The following DIDO1 variants were observed in gnomAD, a reference collection of about 807,000 sequenced individuals.
DIDO1 encodes death-inducer obliterator 1.
In DIDO1, 16 loss-of-function variants were observed where a neutral mutation model predicts 99.4. That is an observed-to-expected ratio of 0.16 (90% CI 0.11 to 0.24). DIDO1 has a LOEUF of 0.24. DIDO1 is among the 10% of genes least tolerant of loss of function. The pLI is 1.00. For synonymous variants in DIDO1, 1,366 were observed against 1,239.1 expected (o/e 1.10, Z -2.15); for missense variants, 2,996 against 3,014.0 (o/e 0.99, Z 0.14).
chr20:62,887,273 G>GA, intron 15 of DIDO1: 2 of 985,434 alleles, frequency 2.0e-6, no homozygotes, highest in Non-Finnish European at 2.4e-6. Context: ...ATTCAATACT[G>GA]TATTTGACTC....
chr20:62,903,702 CAA>C (rs1286964329), intron 6 of DIDO1, among the ~76,000 whole-genome samples: 1 of 152,220 alleles, frequency 6.6e-6, no homozygotes, highest in Non-Finnish European at 1.5e-5. Context: ...GCTACTAGCT[CAA>C]AAGTGTGTCG....
chr20:62,895,250 A>T (rs1416542166), intron 8 of DIDO1, 85 bp from the exon 9 acceptor site: 4 of 1,284,974 alleles, frequency 3.1e-6, no homozygotes, highest in East Asian at 2.3e-5. Flanking sequence ...AGCTGCCCAG[A>T]AGTTTAGCGG....
chr20:62,903,853 AAAG>A (rs1310284402), intron 6 of DIDO1, among the ~76,000 whole-genome samples: 2 of 152,144 alleles, frequency 1.3e-5, no homozygotes, highest in African/African-American at 2.4e-5. Context: ...GATGTGTGGC[AAAG>A]AAGGGAAGAG....
chr20:62,924,751 G>A (rs1172024139), intron 1 of DIDO1, among the ~76,000 whole-genome samples: 1 of 152,188 alleles, frequency 6.6e-6, no homozygotes, highest in African/African-American at 2.4e-5. Context: ...TGGTAACCAT[G>A]GGTACGGCTG....
chr20:62,927,823 C>T (rs1015116064), upstream of DIDO1, among the ~76,000 whole-genome samples: 4 of 152,180 alleles, frequency 2.6e-5, no homozygotes, highest in Non-Finnish European at 5.9e-5. Flanking sequence ...GCTGGTGTGG[C>T]CCATTAGGAC....
Position 62,909,788 on chromosome 20 carries a change from G to T in DIDO1, c.1072C>A (p.Gln358Lys), listed in dbSNP as rs374176633. The T allele has an allele frequency of 6.2e-7, 1 of 1,614,074 alleles. No homozygotes were observed. Among genetic ancestry groups the T allele is most frequent in the African/African-American group, 1.3e-5 (1 of 74,914 alleles). Residue 358 changes from glutamine (Q) to lysine (K), a missense_variant, in exon 4 of 16, where the codon CAG becomes AAG. This residue lies in a region of DIDO1 where 898 missense variants were observed against 972.7 expected (regional missense o/e 0.92). Coordinates refer to ENST00000395343, the MANE Select transcript of DIDO1 (RefSeq NM_001193369.2). ...TDCTSIGTIE[Q>K]KSSEDQGIKG... Reference sequence around the variant, plus strand: ...ATCCCTTGGTCTTCGCTAGACTTCTGCTCTATTGTTCCTATACTTGTACAA... The same window carrying T: ...ATCCCTTGGTCTTCGCTAGACTTCTTCTCTATTGTTCCTATACTTGTACAA...
At position 62,896,913 on chromosome 20, in the gene DIDO1, C is replaced by T; in HGVS notation, c.1672G>A (p.Gly558Ser). Residue 558 changes from glycine to serine, a missense_variant, in exon 7 of 16, where the codon GGC (glycine) becomes AGC (serine). By Grantham distance (56) the Gly-to-Ser change is moderately conservative (BLOSUM62 0). This residue lies in a region of DIDO1 where 898 missense variants were observed against 972.7 expected (regional missense o/e 0.92). Transcript: ENST00000395343. The surrounding 1 kb of genome is among the most constrained non-coding windows in gnomAD (Gnocchi z 4.4). ...AGGTTTCTAGGTGCAGGCTGCTTGC[C>T]CACCGCGGAGCCTGGAGGGGCTGTT... The part of the protein sequence containing the change: ...KKTAPPGSAV[G>S]KQPAPRNLVP... The T allele has an allele frequency of 6.2e-7, 1 of 1,614,052 alleles. No homozygotes were observed. The highest frequency in any genetic ancestry group is 8.5e-7 in the Non-Finnish European group (1 of 1,179,960).
Position 62,897,484 on chromosome 20 carries a change from A to G in DIDO1, c.1589-488T>C, listed in dbSNP as rs188799029. Among the ~76,000 whole-genome samples the G allele has an allele frequency of 2.6e-5, 4 of 152,316 alleles. No individual in the cohort carries two copies. In the East Asian group the frequency reaches 7.7e-4, roughly 29 times the overall value. On this transcript the variant is annotated intron_variant, in intron 6 of 15. Transcript: ENST00000395343. ...ACATCTCACTTCGTTGTCCTTCCAGACTGGAGTCCATTGGAGGCGATGCCA... is the reference window on the plus strand; with the variant it reads ...ACATCTCACTTCGTTGTCCTTCCAGGCTGGAGTCCATTGGAGGCGATGCCA...
At chr20:62,929,692 A>AAAAAAATATATATATATATAT, upstream of DIDO1, among the ~76,000 whole-genome samples, 23 of 63,734 alleles carry the variant, frequency 3.6e-4, 1 homozygote, top group African/African-American at 1.7e-3. Context: ...AAAAAGAAAA[A>AAAAAAATATATATATATATAT]GTGTATATAT....
In DIDO1 at chr20:62,894,698, T is replaced by TA; in HGVS notation, c.2436+111_2436+112insT. 7.1e-7 allele frequency: 1 copy of TA among 1,406,498 alleles called. No individual in the cohort carries two copies. Among genetic ancestry groups the TA allele is most frequent in the Non-Finnish European group, 9.6e-7 (1 of 1,040,496 alleles). 87.1% of individuals were successfully genotyped at this position (1,406,498 alleles called of 1,614,324 possible). ...ATACAAGGACTGAGGAATGCCACAA[T>TA]GACATACACCTGCTGTAAGCTCAGG... is the stretch of plus-strand genomic sequence containing the variant. On this transcript the variant is annotated intron_variant, in intron 10 of 15. Coordinates refer to ENST00000395343, the MANE Select transcript of DIDO1 (RefSeq NM_001193369.2). This position sits in a 1 kb window ranked among gnomAD's most constrained non-coding sequence, Gnocchi z 4.4.
At chr20:62,914,015 A>G (rs1184207759) in intron 2 of DIDO1, among the ~76,000 whole-genome samples, 195 bp downstream of exon 2, 1 of 152,178 alleles carries the variant, frequency 6.6e-6, no homozygotes, top group Non-Finnish European at 1.5e-5. Flanking sequence ...AATATTTCCA[A>G]TCTGCAGCTG....
chr20:62,882,332 T>A lies in DIDO1; in HGVS notation c.3624A>T (p.Leu1208Phe). ...KIKRPANSGELDKMDEKRTRL... is the reference protein window; with the variant it reads ...KIKRPANSGEFDKMDEKRTRL... ...GGGTCCGCTTTTCGTCCATCTTGTC[T>A]AACTCTCCACTGTTTGCGGGACGTT... The change falls in exon 16 of 16, where the codon TTA (leucine) becomes TTT (phenylalanine). Residue 1208 changes from leucine (L) to phenylalanine (F), a missense_variant. Leu to Phe is a conservative substitution (Grantham distance 22). This residue lies in a region of DIDO1 where 135 missense variants were observed against 202.3 expected (regional missense o/e 0.67). Transcript: ENST00000395343. The A allele has an allele frequency of 1.9e-6, 3 of 1,614,088 alleles. No homozygotes were observed. Among genetic ancestry groups the A allele is most frequent in the Non-Finnish European group, 2.5e-6 (3 of 1,180,034 alleles).
Position 62,911,085 on chromosome 20 carries a change from G to A in DIDO1, c.528C>T (p.Pro176=). ...GGATCCCTTTCAGGGGCCTCTCAGT[G>A]GGCTCCTGTTCCCGCTTCCTGCGAA... ...NRLRRKREQE[P]TERPLKGIQS... The change falls in exon 3 of 16, where the codon CCC becomes CCT. Residue 176 remains proline (P), a synonymous_variant. Transcript: ENST00000395343. The surrounding 1 kb of genome is among the most constrained non-coding windows in gnomAD (Gnocchi z 7.0). 7.4e-6 allele frequency: 12 copies of A among 1,613,836 alleles called. No individual in the cohort carries two copies. Among genetic ancestry groups the A allele is most frequent in the Non-Finnish European group, 1.0e-5 (12 of 1,180,032 alleles).
At chr20:62,890,367 T>C in intron 15 of DIDO1, 3 of 986,630 alleles carry the variant, frequency 3.0e-6, no homozygotes, top group Non-Finnish European at 3.6e-6. Flanking sequence ...GACAAAGATG[T>C]ATTTTAGGCT....
chr20:62,896,716 A>G lies in DIDO1; in HGVS notation c.1869T>C (p.Ala623=). Residue 623 remains alanine, a synonymous_variant, in exon 7 of 16, where the codon GCT becomes GCC. Transcript: ENST00000395343. The surrounding 1 kb of genome is among the most constrained non-coding windows in gnomAD (Gnocchi z 4.4). ...QAGPAPAAAT[A]ASKKFPGSAA... ...CGGAGCCAGGGAACTTCTTGGAGGC[A>G]GCCGTTGCCGCTGCAGGTGCCGGTC... 6.2e-7 allele frequency: 1 copy of G among 1,613,776 alleles called. No homozygotes were observed. Among genetic ancestry groups the G allele is most frequent in the Non-Finnish European group, 8.5e-7 (1 of 1,179,878 alleles).
chr20:62,906,250 A>G (rs2064802064), intron 5 of DIDO1, 150 bp from the exon 6 acceptor site: 1 of 1,081,032 alleles, frequency 9.3e-7, no homozygotes, highest in East Asian at 2.5e-5. Flanking sequence ...GCAGCAGTTC[A>G]ACACACTTGC....
At position 62,882,183 on chromosome 20, in the gene DIDO1, G is replaced by A; in HGVS notation, c.3773C>T (p.Pro1258Leu). The A allele has an allele frequency of 6.2e-7, 1 of 1,613,540 alleles. No homozygotes were observed. Among genetic ancestry groups the A allele is most frequent in the Non-Finnish European group, 8.5e-7 (1 of 1,180,038 alleles). ...AGGGGGCGGAGGCGGCGGCGACCCAGGAGGTGTGGTGCTGACAGCCGCGTC... is the reference window on the plus strand; with the variant it reads ...AGGGGGCGGAGGCGGCGGCGACCCAAGAGGTGTGGTGCTGACAGCCGCGTC... Reference protein sequence around the residue: ...SADAAVSTTPPGSPPPPPPLP... With the variant: ...SADAAVSTTPLGSPPPPPPLP... The change falls in exon 16 of 16, where the codon CCT becomes CTT. Residue 1258 changes from proline (P) to leucine (L), a missense_variant. Around this residue, in one of 5 missense-constraint regions of DIDO1, gnomAD observed 1,562 missense variants for 1,412.6 expected, o/e 1.11. Coordinates refer to ENST00000395343, the MANE Select transcript of DIDO1 (RefSeq NM_001193369.2).
At chr20:62,889,833 C>T (rs780154213) in intron 15 of DIDO1, 120 of 985,360 alleles carry the variant, frequency 1.2e-4, no homozygotes, top group Admixed American at 1.2e-3. Flanking sequence ...TAATGCACCA[C>T]GCCAGCAAAT....
At chr20:62,925,399 G>A (rs979751936) in intron 1 of DIDO1, among the ~76,000 whole-genome samples, 1 of 152,100 alleles carries the variant, frequency 6.6e-6, no homozygotes, top group South Asian at 2.1e-4. Context: ...GGAAACCATG[G>A]AACACGGGGT....
Sources: allele counts gnomAD v4.1 joint callset (sites outside exome capture counted in the v4.1 genomes callset), GRCh38; gene constraint gnomAD v4.1.1; regional missense constraint gnomAD v4.1.1; non-coding constraint Gnocchi (gnomAD v3.1); transcripts MANE v1.5; gene names NCBI Gene and HGNC (gene_info 2026-07-23, HGNC 2026-07-21).